SWAP70: variants seen among roughly 807,000 people sequenced by gnomAD.
SWAP70 encodes switch-associated protein 70.
SWAP70 carries 34 observed loss-of-function variants against 80.2 expected under a neutral mutation model. That is an observed-to-expected ratio of 0.42 (90% CI 0.32 to 0.56). The LOEUF (loss-of-function observed/expected upper bound fraction) is 0.56, where lower values mean the gene tolerates loss of function less well. Among genes scored for constraint, SWAP70 ranks in the 20% least tolerant of loss-of-function variants. SWAP70 has a pLI of 0.09. For missense variants in SWAP70, 578 were observed against 690.7 expected (o/e 0.84, Z 1.83); for synonymous variants, 239 against 238.5 (o/e 1.00, Z -0.02).
intron 6 of SWAP70, 98 bp from the exon 7 acceptor site, chr11:9,732,431 C>T (rs906266799): frequency 2.3e-4 from 281 of 1,226,530 alleles, no homozygotes; most frequent in Middle Eastern, 1.6e-3. Flanking sequence ...CTTCTGGCTC[C>T]CTGTCTCATT....
chr11:9,738,144 G>GTC (rs746764352), intron 7 of SWAP70, 69 bp from the exon 8 acceptor site: 136 of 1,063,278 alleles, frequency 1.3e-4, no homozygotes, highest in Non-Finnish European at 1.7e-4. Flanking sequence ...AAGTATGACT[G>GTC]TCTCTCTCTC....
chr11:9,747,371 A>G (rs1175558086), intron 9 of SWAP70, among the ~76,000 whole-genome samples: 4 of 152,176 alleles, frequency 2.6e-5, no homozygotes, highest in Admixed American at 2.0e-4. Flanking sequence ...CATCTTCATT[A>G]TCAGCTTTTT....
At chr11:9,732,233 C>T (rs1390591458) in intron 6 of SWAP70, among the ~76,000 whole-genome samples, 1 of 151,950 alleles carries the variant, frequency 6.6e-6, no homozygotes, top group East Asian at 1.9e-4. Context: ...TTTCTGAGCA[C>T]AGATACAGTT....
intron 9 of SWAP70, chr11:9,741,683 G>C (rs1459700282): frequency 6.6e-6 from 1 of 152,192 alleles, no homozygotes; most frequent in Non-Finnish European, 1.5e-5. Flanking sequence ...GAGGGAACCA[G>C]ATAATTCTAG....
At chr11:9,725,775 T>A (rs1851216308) in intron 4 of SWAP70, among the ~76,000 whole-genome samples, 1 of 151,794 alleles carries the variant, frequency 6.6e-6, no homozygotes, top group Non-Finnish European at 1.5e-5. Flanking sequence ...TTTCACCAGG[T>A]TGGCCAGGAC....
At chr11:9,691,906 A>G in intron 1 of SWAP70, among the ~76,000 whole-genome samples, 1 of 152,208 alleles carries the variant, frequency 6.6e-6, no homozygotes, top group South Asian at 2.1e-4. Context: ...AGCTACTTTT[A>G]TCATGTTATT....
At chr11:9,741,938 T>TTAAAAAAAA (rs746508941) in intron 9 of SWAP70, 1 of 81,916 alleles carries the variant, frequency 1.2e-5, no homozygotes, top group Non-Finnish European at 2.4e-5. Context: ...ACCTCATCTT[T>TTAAAAAAAA]AAAAAAAAAA....
chr11:9,689,698 G>A (rs1245375231), intron 1 of SWAP70, among the ~76,000 whole-genome samples: 2 of 152,186 alleles, frequency 1.3e-5, no homozygotes, highest in Non-Finnish European at 2.9e-5. Flanking sequence ...TTCCTCATCT[G>A]GAGAAGGGGT....
In SWAP70 at chr11:9,728,209, C is replaced by G. The variant is rs1250181778; in HGVS notation, c.789+10C>G. 6.3e-7 allele frequency: 1 copy of G among 1,584,510 alleles called. No homozygotes were observed. Among genetic ancestry groups the G allele is most frequent in the Non-Finnish European group, 8.6e-7 (1 of 1,169,534 alleles). On this transcript the variant is annotated intron_variant, in intron 5 of 11. Coordinates refer to ENST00000318950, the MANE Select transcript of SWAP70 (RefSeq NM_015055.4). The stretch of plus-strand genomic sequence containing the variant: ...AAATTGCTGTGTAGAGGTGAGTCTA[C>G]TCTTACTTCTTTGCATGATTACCCC...
intron 11 of SWAP70, 43 bp downstream of exon 11, chr11:9,749,226 T>G (rs1169155146): frequency 1.8e-6 from 2 of 1,096,376 alleles, no homozygotes; most frequent in Non-Finnish European, 2.4e-6. Flanking sequence ...TTTTTATTTT[T>G]CATTTTTATT....
rs115877496 is a variant in SWAP70, at chr11:9,688,118, T to C, written c.100-6028T>C. On this transcript the variant is annotated intron_variant, in intron 1 of 11. Coordinates refer to ENST00000318950, the MANE Select transcript of SWAP70 (RefSeq NM_015055.4). ...CTGTGAAGTGAGGAGATAGAAATAGTATATTTTCTAAGATTATTGTTAATA... is the reference window on the plus strand; with the variant it reads ...CTGTGAAGTGAGGAGATAGAAATAGCATATTTTCTAAGATTATTGTTAATA... Among the ~76,000 whole-genome samples the C allele has an allele frequency of 6.6e-3, 1,004 of 152,344 alleles. 9 individuals are homozygous for C. The highest frequency in any genetic ancestry group is 0.023 in the African/African-American group (950 of 41,576).
intron 7 of SWAP70, among the ~76,000 whole-genome samples, chr11:9,737,136 T>G (rs200501956): frequency 6.6e-6 from 1 of 152,236 alleles, no homozygotes; most frequent in East Asian, 1.9e-4. Context: ...TCTCAGCCAC[T>G]CTTGCCTGGA....
intron 9 of SWAP70, among the ~76,000 whole-genome samples, chr11:9,744,836 T>G (rs1851491378): frequency 6.6e-6 from 1 of 152,022 alleles, no homozygotes; most frequent in Non-Finnish European, 1.5e-5. Flanking sequence ...GAGGTAGAGG[T>G]TGCAGTGAGC....
At chr11:9,679,150 T>G (rs540884078) in intron 1 of SWAP70, among the ~76,000 whole-genome samples, 1 of 152,308 alleles carries the variant, frequency 6.6e-6, no homozygotes, top group African/African-American at 2.4e-5. Flanking sequence ...TCTGCAATAT[T>G]AGAAACACTA....
intron 4 of SWAP70, among the ~76,000 whole-genome samples, chr11:9,727,573 T>C (rs566383851): frequency 6.6e-6 from 1 of 152,306 alleles, no homozygotes; most frequent in Non-Finnish European, 1.5e-5. Context: ...GTTCATTCTT[T>C]CTTTTTAAGT....
At chr11:9,673,800 G>A (rs972627934) in intron 1 of SWAP70, among the ~76,000 whole-genome samples, 3 of 152,018 alleles carry the variant, frequency 2.0e-5, no homozygotes, top group East Asian at 1.9e-4. Context: ...TAGTTTCTAC[G>A]GCCTGCCTTG....
At chr11:9,714,418 T>C (rs528280069) in intron 3 of SWAP70, among the ~76,000 whole-genome samples, 56 of 152,382 alleles carry the variant, frequency 3.7e-4, no homozygotes, top group Non-Finnish European at 6.5e-4. Flanking sequence ...TTTAGTTTAA[T>C]GCCTGGCACA....
intron 1 of SWAP70, among the ~76,000 whole-genome samples, chr11:9,678,047 A>C (rs1850522585): frequency 6.6e-6 from 1 of 152,206 alleles, no homozygotes; most frequent in Non-Finnish European, 1.5e-5. Flanking sequence ...AATATAAAGG[A>C]AGCAAATTAT....
Position 9,731,600 on chromosome 11 carries a change from G to A in SWAP70, c.899-929G>A, listed in dbSNP as rs188169309. Among the ~76,000 whole-genome samples the A allele has an allele frequency of 6.0e-3, 915 of 152,276 alleles. 6 individuals are homozygous for A. Among genetic ancestry groups the A allele is most frequent in the African/African-American group, 9.3e-3 (386 of 41,544 alleles). ...ACTTCATGTATAGTACTTTTGGTGT[G>A]CCATGCAGTACTTTATGTATAGTAC... On this transcript the variant is annotated intron_variant, in intron 6 of 11. Transcript: ENST00000318950.
Sources: gnomAD v4.1 joint callset for allele counts (sites outside exome capture counted in the v4.1 genomes callset) on GRCh38, gnomAD v4.1.1 for gene constraint, MANE v1.5 for transcripts, NCBI Gene and HGNC (gene_info 2026-07-23, HGNC 2026-07-21) for gene names.